Variants in FBXO43 observed in about 807,000 individuals in gnomAD.
The protein encoded by FBXO43 is F-box protein 43.
FBXO43 carries 22 observed loss-of-function variants against 56.7 expected under a neutral mutation model. The observed-to-expected ratio is 0.39, with a 90% CI of 0.28 to 0.55. The LOEUF is 0.55. Ranked by LOEUF, FBXO43 falls within the 20% of genes least tolerant of loss-of-function variation. The probability of loss-of-function intolerance (pLI) is 0.66; values close to 1 mark genes in which losing one functional copy is unlikely to be tolerated. For missense variants in FBXO43, 733 were observed against 814.9 expected (o/e 0.90, Z 1.22); for synonymous variants, 306 against 294.5 (o/e 1.04, Z -0.40).
chr8:100,142,024 C>T lies in FBXO43; in HGVS notation c.230G>A (p.Gly77Asp). The T allele has an allele frequency of 6.2e-7, 1 of 1,613,748 alleles. No homozygotes were observed. The highest frequency in any genetic ancestry group is 8.5e-7 in the Non-Finnish European group (1 of 1,179,926). Residue 77 changes from glycine (G) to aspartate (D), a missense_variant, in exon 2 of 5, where the codon GGC becomes GAC. Gly to Asp is a moderately conservative substitution (Grantham distance 94). Transcript: ENST00000428847. ...FCSTSSFQDS[G>D]YNELKSCSFD... Reference sequence around the variant, plus strand: ...GCTACAAGATTTTAACTCATTGTAGCCACTATCTTGAAATGAAGATGTGGA... The same window carrying T: ...GCTACAAGATTTTAACTCATTGTAGTCACTATCTTGAAATGAAGATGTGGA...
intron 3 of FBXO43, 92 bp from the exon 4 acceptor site, chr8:100,134,456 G>A: frequency 9.0e-7 from 1 of 1,113,810 alleles, no homozygotes; most frequent in Non-Finnish European, 1.3e-6. Context: ...GCTTTGAAGA[G>A]GTTTTTTGCC....
intron 2 of FBXO43, among the ~76,000 whole-genome samples, chr8:100,139,301 A>T (rs1814567821): frequency 1.3e-5 from 2 of 151,816 alleles, no homozygotes; most frequent in African/African-American, 2.4e-5. Flanking sequence ...GGCCATAAAA[A>T]CAACAAGAAC....
intron 1 of FBXO43, among the ~76,000 whole-genome samples, chr8:100,142,445 G>C (rs1049959530): frequency 3.3e-5 from 5 of 151,878 alleles, no homozygotes; most frequent in African/African-American, 1.2e-4. Context: ...ATATTTTATT[G>C]AGCTACCCTA....
At chr8:100,138,953 G>A in intron 2 of FBXO43, among the ~76,000 whole-genome samples, 1 of 152,132 alleles carries the variant, frequency 6.6e-6, no homozygotes, top group East Asian at 1.9e-4. Context: ...ATTTTTAAAA[G>A]GCACACAATA....
In FBXO43 at chr8:100,133,940, A is replaced by G. The variant is rs756256930; in HGVS notation, c.1989T>C (p.Cys663=). The G allele has an allele frequency of 1.2e-6, 2 of 1,614,166 alleles. No individual in the cohort carries two copies. The highest frequency in any genetic ancestry group is 1.7e-6 in the Non-Finnish European group (2 of 1,180,034). Reference sequence around the variant, plus strand: ...GACATAACACACAAAAGTCAAAACCACAGGCTGTTCGGCTACACAGTCCCC... The same window carrying G: ...GACATAACACACAAAAGTCAAAACCGCAGGCTGTTCGGCTACACAGTCCCC... The part of the protein sequence containing the change: ...KKRGLCSRTA[C]GFDFCVLCLC... The change falls in exon 5 of 5, where the codon TGT becomes TGC. Residue 663 remains cysteine (C), a synonymous_variant. Transcript: ENST00000428847.
At chr8:100,140,014 AAT>A (rs1277763902) in intron 2 of FBXO43, among the ~76,000 whole-genome samples, 1 of 152,242 alleles carries the variant, frequency 6.6e-6, no homozygotes, top group Non-Finnish European at 1.5e-5. Flanking sequence ...GCAATCTGAC[AAT>A]ATGATCTGAA....
upstream of FBXO43, among the ~76,000 whole-genome samples, chr8:100,147,724 C>T (rs536824501): frequency 6.6e-6 from 1 of 152,250 alleles, no homozygotes; most frequent in South Asian, 2.1e-4. Context: ...CAAGATGTGA[C>T]ATGTTCAGTT....
At position 100,145,496 on chromosome 8, in the gene FBXO43, C is replaced by T. The variant is rs1444409488; in HGVS notation, c.-361G>A. ...TCCGCTAGGCCCAGAAAGCCAAGGG[C>T]AGCAGGGGATGGGCTGGCGTCACCA... is the stretch of plus-strand genomic sequence containing the variant. On this transcript the variant is annotated 5_prime_UTR_variant, in exon 1 of 5. Coordinates refer to ENST00000428847, the MANE Select transcript of FBXO43 (RefSeq NM_001029860.4). The T allele has an allele frequency of 5.8e-6, 1 of 172,442 alleles. No individual in the cohort carries two copies. The highest frequency in any genetic ancestry group is 1.2e-5 in the Non-Finnish European group (1 of 81,820). The allele number at this position is 172,442 out of a possible 1,614,324, so 10.7% of individuals were successfully genotyped here.
At position 100,141,111 on chromosome 8, in the gene FBXO43, C is replaced by G. The variant is rs375857020; in HGVS notation, c.1143G>C (p.Ser381=). ...TIRKTRHLGR[S]RRLSTLREQS... ...GTTCCCGAAGGGTGGACAGTCTTCTCGACCTTCCAAGATGTCTTGTCTTTC... is the reference window on the plus strand; with the variant it reads ...GTTCCCGAAGGGTGGACAGTCTTCTGGACCTTCCAAGATGTCTTGTCTTTC... The change falls in exon 2 of 5, where the codon TCG becomes TCC. Residue 381 remains serine, a synonymous_variant. Transcript: ENST00000428847. The G allele has an allele frequency of 6.2e-7, 1 of 1,614,192 alleles. No individual in the cohort carries two copies. Among genetic ancestry groups the G allele is most frequent in the South Asian group, 1.1e-5 (1 of 91,078 alleles).
In FBXO43 at chr8:100,145,202, T is replaced by G; in HGVS notation, c.-67A>C. ...CAATTAATTGAAAGGTGCAGCAGCA[T>G]CATGATTGCTCAAAGTCGAAGGGTA... On this transcript the variant is annotated 5_prime_UTR_variant, in exon 1 of 5. An upstream start codon of the reference 5' UTR is lost. Transcript: ENST00000428847. 2.2e-6 allele frequency: 3 copies of G among 1,360,824 alleles called. No individual in the cohort carries two copies. The highest frequency in any genetic ancestry group is 3.0e-6 in the Non-Finnish European group (3 of 984,026). 84.3% of individuals were successfully genotyped at this position (1,360,824 alleles called of 1,614,324 possible).
At chr8:100,138,800 G>A (rs923207649) in intron 2 of FBXO43, among the ~76,000 whole-genome samples, 9 of 152,152 alleles carry the variant, frequency 5.9e-5, no homozygotes, top group Admixed American at 1.3e-4. Context: ...CACTTTGGGA[G>A]GCCAAGGCAG....
At position 100,140,837 on chromosome 8, in the gene FBXO43, C is replaced by T. The variant is rs1219980447; in HGVS notation, c.1417G>A (p.Glu473Lys). ...ATACACTGCAGTACAGCTATTTTCT[C>T]CCCATCCCCTTGCTCTAAGAATTCA... ...GHEFLEQGDG[E>K]KIAVLQCILA... is the part of the protein sequence containing the mutation. The change falls in exon 2 of 5, where the codon GAG becomes AAG. Residue 473 changes from glutamate (E) to lysine (K), a missense_variant. Coordinates refer to ENST00000428847, the MANE Select transcript of FBXO43 (RefSeq NM_001029860.4). 6.2e-7 allele frequency: 1 copy of T among 1,614,216 alleles called. No homozygotes were observed.
intron 2 of FBXO43, among the ~76,000 whole-genome samples, chr8:100,138,645 T>A (rs1814547072): frequency 6.6e-6 from 1 of 152,216 alleles, no homozygotes; most frequent in Non-Finnish European, 1.5e-5. Flanking sequence ...GAGAGATAAT[T>A]GTTGAAATAT....
chr8:100,144,992 G>T (rs777253188), intron 1 of FBXO43, 59 bp downstream of exon 1: 4 of 1,516,402 alleles, frequency 2.6e-6, no homozygotes, highest in Non-Finnish European at 3.5e-6. Flanking sequence ...CCACATCAGA[G>T]AATGAAGTAC....
chr8:100,134,402 C>A, intron 3 of FBXO43, 38 bp from the exon 4 acceptor site: 1 of 1,554,682 alleles, frequency 6.4e-7, no homozygotes, highest in South Asian at 1.1e-5. Context: ...ACTGCAATAC[C>A]AAAACAGTTC....
chr8:100,140,401 C>T (rs920247814), intron 2 of FBXO43, among the ~76,000 whole-genome samples: 4 of 152,022 alleles, frequency 2.6e-5, no homozygotes, highest in Admixed American at 2.6e-4. Flanking sequence ...ACCCGGGAGG[C>T]GGAGCTTGCA....
In FBXO43 at chr8:100,133,570, ATTCT is replaced by A. The variant is rs1434047198; in HGVS notation, c.*228_*231del. 9.8e-6 allele frequency: 4 copies of A among 407,488 alleles called. No individual in the cohort carries two copies. Among genetic ancestry groups the A allele is most frequent in the Non-Finnish European group, 1.7e-5 (4 of 232,604 alleles). 25.2% of individuals were successfully genotyped at this position (407,488 alleles called of 1,614,324 possible). On this transcript the variant is annotated 3_prime_UTR_variant, in exon 5 of 5. Coordinates refer to ENST00000428847, the MANE Select transcript of FBXO43 (RefSeq NM_001029860.4). ...GTACATACATATAACAACAATGAAA[ATTCT>A]TTATTTAAAATACCAAGTTATTAAA...
chr8:100,133,718 G>A lies in FBXO43; in HGVS notation c.*84C>T. ...ATTAATCATCACCTGTCATTAATGG[G>A]AAGATTTGCATGTATTCAAAATATT... is the stretch of plus-strand genomic sequence containing the variant. On this transcript the variant is annotated 3_prime_UTR_variant, in exon 5 of 5. Transcript: ENST00000428847. 1 of 1,338,684 alleles carries A rather than the reference G, an allele frequency of 7.5e-7. No individual in the cohort carries two copies. Among genetic ancestry groups the A allele is most frequent in the Non-Finnish European group, 1.0e-6 (1 of 988,108 alleles). The allele number at this position is 1,338,684 out of a possible 1,614,324, so 82.9% of individuals were successfully genotyped here.
Position 100,133,848 on chromosome 8 carries a change from G to T in FBXO43, c.2081C>A (p.Ala694Asp). 1 of 1,614,164 alleles carries T rather than the reference G, an allele frequency of 6.2e-7. No homozygotes were observed. Among genetic ancestry groups the T allele is most frequent in the East Asian group, 2.2e-5 (1 of 44,888 alleles). ...CTTACTCTGGGCACTTCCTGGGAGA[G>T]CATCTTTTCTATTTCTTGGCTTTGC... ...GAAKPRNRKD[A>D]LPGSAQSKRN... Residue 694 changes from alanine to aspartate, a missense_variant, in exon 5 of 5, where the codon GCT becomes GAT. Physicochemically the swap from Ala to Asp is moderately radical, Grantham distance 126 (BLOSUM62 -2). Coordinates refer to ENST00000428847, the MANE Select transcript of FBXO43 (RefSeq NM_001029860.4).
Sources: gnomAD v4.1 joint callset for allele counts (sites outside exome capture counted in the v4.1 genomes callset) on GRCh38, gnomAD v4.1.1 for gene constraint, MANE v1.5 for transcripts, NCBI Gene and HGNC (gene_info 2026-07-23, HGNC 2026-07-21) for gene names.